Variants in SEMA6D observed in about 807,000 individuals in gnomAD.
SEMA6D encodes semaphorin-6D.
In SEMA6D, 35 loss-of-function variants were observed where a neutral mutation model predicts 106.6. The ratio of observed to expected loss-of-function variants is 0.33; its 90% confidence interval spans 0.25 to 0.44. The LOEUF (loss-of-function observed/expected upper bound fraction) is 0.44, where lower values mean the gene tolerates loss of function less well. Ranked by LOEUF, SEMA6D falls within the 20% of genes least tolerant of loss-of-function variation. SEMA6D has a pLI of 1.00. For synonymous variants in SEMA6D, 499 were observed against 487.7 expected (o/e 1.02, Z -0.31); for missense variants, 1,185 against 1,345.9 (o/e 0.88, Z 1.87).
chr15:47,259,461 G>C lies in SEMA6D; in HGVS notation c.-239+75043G>C, dbSNP rs1295439299. ...CCAGATATAAAATTTATAGTTGAGA[G>C]TTCTTTTTTTTTTTTCCAGCACTTG... On this transcript the variant is annotated intron_variant, in intron 1 of 19. Transcript: ENST00000558014. Among the ~76,000 whole-genome samples the C allele has an allele frequency of 8.6e-5, 13 of 151,140 alleles. No individual in the cohort carries two copies. In the East Asian group the frequency reaches 2.5e-3, roughly 29 times the overall value.
At chr15:47,760,281 G>T in intron 2 of SEMA6D, 23 bp from the exon 3 acceptor site, 1 of 1,551,840 alleles carries the variant, frequency 6.4e-7, no homozygotes, top group African/African-American at 1.4e-5. Context: ...CTGAATGATG[G>T]TTTAGCCCAT....
intron 3 of SEMA6D, among the ~76,000 whole-genome samples, chr15:47,504,335 C>T (rs918290012): frequency 6.6e-6 from 1 of 152,260 alleles, no homozygotes; most frequent in East Asian, 1.9e-4. Flanking sequence ...CTTGAGTGAG[C>T]AGCCCTGAGT....
chr15:47,345,368 T>G (rs2038003196), intron 1 of SEMA6D, among the ~76,000 whole-genome samples: 1 of 152,130 alleles, frequency 6.6e-6, no homozygotes, highest in African/African-American at 2.4e-5. Flanking sequence ...AAAAGATCAA[T>G]GGAACAGAAT....
chr15:47,248,642 C>T (rs1216898860), intron 1 of SEMA6D, among the ~76,000 whole-genome samples: 1 of 152,178 alleles, frequency 6.6e-6, no homozygotes, highest in Non-Finnish European at 1.5e-5. Context: ...GAGTCTTCTG[C>T]AGTTTTTTGG....
intron 1 of SEMA6D, among the ~76,000 whole-genome samples, chr15:47,255,218 A>C (rs1322930540): frequency 6.6e-6 from 1 of 151,958 alleles, no homozygotes; most frequent in Non-Finnish European, 1.5e-5. Flanking sequence ...TAGATTTTCC[A>C]ATTTGTTGGT....
intron 4 of SEMA6D, among the ~76,000 whole-genome samples, chr15:47,623,738 G>A (rs2077152499): frequency 6.6e-6 from 1 of 152,124 alleles, no homozygotes; most frequent in South Asian, 2.1e-4. Flanking sequence ...GTGAGGTAAT[G>A]GAAGGAAACA....
At chr15:47,475,779 A>G (rs1280753146) in intron 3 of SEMA6D, among the ~76,000 whole-genome samples, 1 of 152,248 alleles carries the variant, frequency 6.6e-6, no homozygotes, top group Non-Finnish European at 1.5e-5. Flanking sequence ...AATTAAAAAA[A>G]TAATTACTTT....
At chr15:47,474,564 G>C (rs557235039) in intron 3 of SEMA6D, among the ~76,000 whole-genome samples, 1 of 152,140 alleles carries the variant, frequency 6.6e-6, no homozygotes, top group Admixed American at 6.5e-5. Flanking sequence ...AAAGCGTCTT[G>C]TGTGACTTCA....
intron 4 of SEMA6D, among the ~76,000 whole-genome samples, chr15:47,704,645 A>G (rs892027308): frequency 1.2e-4 from 18 of 152,062 alleles, no homozygotes; most frequent in African/African-American, 4.1e-4. Flanking sequence ...CAGGAGCTCA[A>G]TGCTGCAGTG....
chr15:47,492,993 C>CT (rs2043520382), intron 3 of SEMA6D, among the ~76,000 whole-genome samples: 1 of 152,068 alleles, frequency 6.6e-6, no homozygotes, highest in African/African-American at 2.4e-5. Flanking sequence ...AGAAAAAAAA[C>CT]TAAGAGCTTA....
intron 1 of SEMA6D, among the ~76,000 whole-genome samples, chr15:47,326,672 G>A (rs2037143664): frequency 6.6e-6 from 1 of 152,200 alleles, no homozygotes; most frequent in Non-Finnish European, 1.5e-5. Flanking sequence ...TGGAAATCAA[G>A]TTTGTAACAT....
chr15:47,360,133 C>A (rs1159887591), intron 1 of SEMA6D: 1 of 152,034 alleles, frequency 6.6e-6, no homozygotes, highest in Non-Finnish European at 1.5e-5. Context: ...CCATATCAGA[C>A]AAGTGCATCC....
intron 4 of SEMA6D, among the ~76,000 whole-genome samples, chr15:47,650,686 A>G (rs2077670819): frequency 6.6e-6 from 1 of 152,204 alleles, no homozygotes; most frequent in South Asian, 2.1e-4. Flanking sequence ...CCCTATAGAG[A>G]ATAGGAAAAT....
chr15:47,471,927 T>TGTCACA (rs1555445487), intron 3 of SEMA6D, among the ~76,000 whole-genome samples: 13 of 114,010 alleles, frequency 1.1e-4, no homozygotes, highest in African/African-American at 4.1e-4. Flanking sequence ...TCTCTCTCTC[T>TGTCACA]CTCTCACACA....
At chr15:47,359,831 C>G (rs2038731324) in intron 1 of SEMA6D, 1 of 152,108 alleles carries the variant, frequency 6.6e-6, no homozygotes, top group Non-Finnish European at 1.5e-5. Context: ...AAAAATTTAG[C>G]ATAGTTTTGA....
At chr15:47,363,077 A>G (rs2145151742) in intron 1 of SEMA6D, among the ~76,000 whole-genome samples, 1 of 152,170 alleles carries the variant, frequency 6.6e-6, no homozygotes, top group East Asian at 1.9e-4. Flanking sequence ...GTATTCACTT[A>G]CTATATTCTA....
intron 4 of SEMA6D, among the ~76,000 whole-genome samples, chr15:47,613,062 G>A (rs558499571): frequency 4.0e-4 from 61 of 152,284 alleles, no homozygotes; most frequent in South Asian, 2.7e-3. Context: ...TTGAGATAAA[G>A]AATACATCTG....
chr15:47,356,881 C>T (rs980746156), intron 1 of SEMA6D, among the ~76,000 whole-genome samples: 3 of 152,110 alleles, frequency 2.0e-5, no homozygotes, highest in Non-Finnish European at 4.4e-5. Flanking sequence ...AAAACAGACC[C>T]AAACCATTTA....
rs939996047 is a variant in SEMA6D, at chr15:47,417,258, A to C, written c.-159+4786A>C. 1.1e-4 allele frequency among the ~76,000 whole-genome samples: 16 copies of C among 152,102 alleles called. 1 individual carries two copies. Among genetic ancestry groups the C allele is most frequent in the African/African-American group, 3.9e-4 (16 of 41,436 alleles). On this transcript the variant is annotated intron_variant, in intron 2 of 19. Transcript: ENST00000558014. ...TGAATATTTAATATTTATTTGTTTT[A>C]GAGATAGAGGGAAAGGGGAGATGAG...
Sources: allele counts gnomAD v4.1 joint callset (sites outside exome capture counted in the v4.1 genomes callset), GRCh38; gene constraint gnomAD v4.1.1; transcripts MANE v1.5; gene names NCBI Gene and HGNC (gene_info 2026-07-23, HGNC 2026-07-21).